Variants in CRACDL observed in about 807,000 individuals in gnomAD.
CRACDL encodes the protein CRACD like.
A neutral mutation model predicts 70.6 loss-of-function variants in CRACDL; 26 were observed. That is an observed-to-expected ratio of 0.37 (90% CI 0.27 to 0.51). The LOEUF (loss-of-function observed/expected upper bound fraction) is 0.51, where lower values mean the gene tolerates loss of function less well. Ranked by LOEUF, CRACDL falls within the 20% of genes least tolerant of loss-of-function variation. CRACDL has a pLI of 0.94. For missense variants in CRACDL, 1,283 were observed against 1,376.9 expected (o/e 0.93, Z 1.08); for synonymous variants, 618 against 615.2 (o/e 1.00, Z -0.07).
chr2:98,794,884 C>A (rs1320977251), intron 9 of CRACDL, among the ~76,000 whole-genome samples: 1 of 151,498 alleles, frequency 6.6e-6, no homozygotes, highest in Non-Finnish European at 1.5e-5. Context: ...ACAATTCTGG[C>A]AATGCAATGA....
intron 3 of CRACDL, among the ~76,000 whole-genome samples, chr2:98,834,808 A>G (rs1177174510): frequency 6.6e-6 from 1 of 152,222 alleles, no homozygotes; most frequent in Non-Finnish European, 1.5e-5. Flanking sequence ...GACCACACAG[A>G]GAATATAATA....
chr2:98,878,737 T>A (rs1707555648), intron 1 of CRACDL, among the ~76,000 whole-genome samples: 1 of 152,154 alleles, frequency 6.6e-6, no homozygotes, highest in South Asian at 2.1e-4. Flanking sequence ...GATAAACCCA[T>A]CGTAAGCTAA....
In CRACDL at chr2:98,796,161, T is replaced by G. The variant is rs967736681; in HGVS notation, c.2708A>C (p.Glu903Ala). 10 of 1,614,084 alleles carry G rather than the reference T, an allele frequency of 6.2e-6. No individual in the cohort carries two copies. In the African/African-American group the frequency reaches 1.3e-4, roughly 22 times the overall value. Residue 903 changes from glutamate to alanine, a missense_variant, in exon 9 of 10, where the codon GAG (glutamate) becomes GCG (alanine). By Grantham distance (107) the Glu-to-Ala change is moderately radical. Around this residue, in one of 2 missense-constraint regions of CRACDL, gnomAD observed 921 missense variants for 881.9 expected, o/e 1.04. Transcript: ENST00000397899. Reference protein sequence around the residue: ...RKQGAKLNFKEGLQRGISLSH... With the variant: ...RKQGAKLNFKAGLQRGISLSH... ...CAATGAGATTCCTCTTTGCAGCCCC[T>G]CCTTGAAGTTGAGCTTTGCCCCCTG...
intron 1 of CRACDL, among the ~76,000 whole-genome samples, chr2:98,851,686 A>T (rs1282359583): frequency 6.6e-6 from 1 of 152,238 alleles, no homozygotes; most frequent in African/African-American, 2.4e-5. Flanking sequence ...TATTTTAAAT[A>T]GAAAACTCCA....
intron 7 of CRACDL, among the ~76,000 whole-genome samples, chr2:98,816,801 A>G (rs559010287): frequency 8.5e-5 from 13 of 152,330 alleles, no homozygotes; most frequent in African/African-American, 3.1e-4. Context: ...GACAAAAAGA[A>G]ATGCCAATGT....
At chr2:98,882,387 G>A (rs1707675770) in intron 1 of CRACDL, among the ~76,000 whole-genome samples, 1 of 152,276 alleles carries the variant, frequency 6.6e-6, no homozygotes, top group Non-Finnish European at 1.5e-5. Context: ...CCTGGCAAGA[G>A]TGGCTGTTTC....
At chr2:98,803,203 T>A (rs1288157575) in intron 7 of CRACDL, among the ~76,000 whole-genome samples, 1 of 152,102 alleles carries the variant, frequency 6.6e-6, no homozygotes, top group African/African-American at 2.4e-5. Context: ...GGTTTCACCA[T>A]GTTAGCCAGG....
chr2:98,811,657 C>A lies in CRACDL; in HGVS notation c.2416+10200G>T, dbSNP rs527744553. Among the ~76,000 whole-genome samples, 21 of 152,128 alleles carry A rather than the reference C, an allele frequency of 1.4e-4. No homozygotes were observed. The South Asian group carries it at 4.4e-3, about 32-fold the overall frequency. On this transcript the variant is annotated intron_variant, in intron 7 of 9. Transcript: ENST00000397899. ...ACAAACAGGATACAGAATATCAACACCCTGAAGAATTCCTTCTTCCTTCCC... is the reference window on the plus strand; with the variant it reads ...ACAAACAGGATACAGAATATCAACAACCTGAAGAATTCCTTCTTCCTTCCC...
rs1166697933 is a variant in CRACDL at position 98,869,331 on chromosome 2, C to T, written c.-10-22521G>A. On this transcript the variant is annotated intron_variant, in intron 1 of 9. Coordinates refer to ENST00000397899, the MANE Select transcript of CRACDL (RefSeq NM_207362.3). ...GCCCAGCCCTCCTGTGCCCCGTGAG[C>T]TCCTTGGGCGGGTGCACAGGCACAC... 5 of 1,174,272 alleles carry T rather than the reference C, an allele frequency of 4.3e-6. No homozygotes were observed. The African/African-American group carries it at 6.4e-5, about 15-fold the overall frequency. 72.7% of individuals were successfully genotyped at this position (1,174,272 alleles called of 1,614,324 possible).
rs955435112 is a variant in CRACDL at position 98,823,297 on chromosome 2, C to T, written c.976G>A (p.Gly326Ser). 1 of 1,425,084 alleles carries T rather than the reference C, an allele frequency of 7.0e-7. No homozygotes were observed. The highest frequency in any genetic ancestry group is 9.1e-7 in the Non-Finnish European group (1 of 1,100,722). The allele number at this position is 1,425,084 out of a possible 1,614,324, so 88.3% of individuals were successfully genotyped here. The change falls in exon 7 of 10, where the codon GGC (glycine) becomes AGC (serine). Residue 326 changes from glycine (G) to serine (S), a missense_variant. This residue lies in a region of CRACDL where 362 missense variants were observed against 495.0 expected (regional missense o/e 0.73). Coordinates refer to ENST00000397899, the MANE Select transcript of CRACDL (RefSeq NM_207362.3). The surrounding 1 kb of genome is among the most constrained non-coding windows in gnomAD (Gnocchi z 4.0). Reference sequence around the variant, plus strand: ...CTTGAGGGGTCCTCCCCGGGGACGCCCCCCTCCTCCACGCTGGCCGTGAGC... The same window carrying T: ...CTTGAGGGGTCCTCCCCGGGGACGCTCCCCTCCTCCACGCTGGCCGTGAGC... ...SALTASVEEG[G>S]VPGEDPSSRP...
chr2:98,812,334 T>C (rs1050158240), intron 7 of CRACDL, among the ~76,000 whole-genome samples: 4 of 152,222 alleles, frequency 2.6e-5, no homozygotes, highest in Non-Finnish European at 4.4e-5. Context: ...TTTGTGGGAA[T>C]GTACATTTCC....
chr2:98,907,753 A>G (rs1708449223), intron 1 of CRACDL, among the ~76,000 whole-genome samples: 1 of 152,230 alleles, frequency 6.6e-6, no homozygotes, highest in Admixed American at 6.5e-5. Context: ...ATTCTGTCCA[A>G]TATCACAATT....
chr2:98,865,942 A>G (rs1707120134), intron 1 of CRACDL, among the ~76,000 whole-genome samples: 1 of 151,794 alleles, frequency 6.6e-6, no homozygotes, highest in African/African-American at 2.4e-5. Context: ...CTGGGATTAC[A>G]GGTGCCCACC....
chr2:98,865,984 T>A (rs1375549099), intron 1 of CRACDL, among the ~76,000 whole-genome samples: 1 of 151,656 alleles, frequency 6.6e-6, no homozygotes, highest in Non-Finnish European at 1.5e-5. Flanking sequence ...CACCTCTGCC[T>A]CCCACCTCCT....
chr2:98,810,951 G>A (rs1303888203), intron 7 of CRACDL, among the ~76,000 whole-genome samples: 2 of 150,910 alleles, frequency 1.3e-5, no homozygotes, highest in South Asian at 2.1e-4. Context: ...AGAAAGACGC[G>A]AGGCAGTTCA....
At position 98,822,327 on chromosome 2, in the gene CRACDL, C is replaced by T. The variant is rs941145501; in HGVS notation, c.1946G>A (p.Gly649Glu). 2 of 1,460,378 alleles carry T rather than the reference C, an allele frequency of 1.4e-6. No homozygotes were observed. Among genetic ancestry groups the T allele is most frequent in the East Asian group, 2.7e-5 (1 of 36,550 alleles). The allele number at this position is 1,460,378 out of a possible 1,614,324, so 90.5% of individuals were successfully genotyped here. Residue 649 changes from glycine (G) to glutamate (E), a missense_variant, in exon 7 of 10, where the codon GGG (glycine) becomes GAG (glutamate). Physicochemically the swap from Gly to Glu is moderately conservative, Grantham distance 98. Around this residue, in one of 2 missense-constraint regions of CRACDL, gnomAD observed 921 missense variants for 881.9 expected, o/e 1.04. Transcript: ENST00000397899. The surrounding 1 kb of genome is among the most constrained non-coding windows in gnomAD (Gnocchi z 4.9). ...CGCCTCCTGAGGGCTCTTGCGCGGC[C>T]CGGCCGGGCTGGCCGCCCTGTCCCC... ...DSGDRAASPA[G>E]PRKSPQEAAA...
intron 1 of CRACDL, among the ~76,000 whole-genome samples, chr2:98,851,323 C>T (rs180681312): frequency 4.6e-5 from 7 of 152,310 alleles, no homozygotes; most frequent in African/African-American, 1.4e-4. Context: ...TCACACCAAA[C>T]AAGAGAACTG....
At chr2:98,852,234 A>T (rs1032591403) in intron 1 of CRACDL, among the ~76,000 whole-genome samples, 2 of 152,194 alleles carry the variant, frequency 1.3e-5, no homozygotes, top group African/African-American at 4.8e-5. Flanking sequence ...AATTCTGCAC[A>T]TACTGGGGAG....
intron 5 of CRACDL, among the ~76,000 whole-genome samples, chr2:98,830,850 C>T (rs774149028): frequency 5.3e-5 from 8 of 152,128 alleles, no homozygotes; most frequent in Non-Finnish European, 5.9e-5. Flanking sequence ...TCTTACTGCC[C>T]GTCCTGGCTA....
Sources: allele counts gnomAD v4.1 joint callset (sites outside exome capture counted in the v4.1 genomes callset), GRCh38; gene constraint gnomAD v4.1.1; regional missense constraint gnomAD v4.1.1; non-coding constraint Gnocchi (gnomAD v3.1); transcripts MANE v1.5; gene names NCBI Gene and HGNC (gene_info 2026-07-23, HGNC 2026-07-21).